Variants in CD226 observed in about 807,000 individuals in gnomAD.
CD226 encodes CD226 molecule.
A neutral mutation model predicts 34.9 loss-of-function variants in CD226; 24 were observed. The observed-to-expected ratio is 0.69, with a 90% CI of 0.50 to 0.97. The LOEUF (loss-of-function observed/expected upper bound fraction) is 0.97, where lower values mean the gene tolerates loss of function less well. Ranked by LOEUF, CD226 falls within the 50% of genes least tolerant of loss-of-function variation. The pLI, the probability that CD226 is intolerant of heterozygous loss-of-function variation, is 0.00. For missense variants in CD226, 397 were observed against 412.7 expected (o/e 0.96, Z 0.33); for synonymous variants, 148 against 147.4 (o/e 1.00, Z -0.03).
At chr18:69,943,015 C>A (rs920319745) in intron 2 of CD226, among the ~76,000 whole-genome samples, 2 of 152,202 alleles carry the variant, frequency 1.3e-5, no homozygotes, top group South Asian at 2.1e-4. Flanking sequence ...AGATCTCTGG[C>A]TCTTCAGAAA....
intron 5 of CD226, among the ~76,000 whole-genome samples, chr18:69,865,281 T>C (rs1983070603): frequency 6.6e-6 from 1 of 152,132 alleles, no homozygotes; most frequent in Non-Finnish European, 1.5e-5. Context: ...TGAGCCACCA[T>C]GACCAGCCAG....
chr18:69,881,694 T>C (rs970845992), intron 3 of CD226, among the ~76,000 whole-genome samples: 3 of 152,224 alleles, frequency 2.0e-5, no homozygotes, highest in Admixed American at 1.3e-4. Flanking sequence ...AGATGTCACA[T>C]TGAAGTAGTC....
intron 3 of CD226, among the ~76,000 whole-genome samples, chr18:69,881,658 A>G (rs960043753): frequency 9.9e-5 from 15 of 152,178 alleles, no homozygotes; most frequent in Non-Finnish European, 1.3e-4. Context: ...TTAATCAGAT[A>G]ACTTGTTTCT....
At chr18:69,870,563 C>T (rs1983460159) in intron 4 of CD226, among the ~76,000 whole-genome samples, 1 of 152,140 alleles carries the variant, frequency 6.6e-6, no homozygotes, top group South Asian at 2.1e-4. Flanking sequence ...GCGTGAGCCA[C>T]CATGCCTGGC....
At chr18:69,943,982 T>TC (rs1489063687) in intron 2 of CD226, among the ~76,000 whole-genome samples, 1 of 151,972 alleles carries the variant, frequency 6.6e-6, no homozygotes, top group African/African-American at 2.4e-5. Flanking sequence ...TCTTTTTTTT[T>TC]TTTTTTTTAC....
chr18:69,864,562 T>C, intron 5 of CD226, 123 bp from the exon 6 acceptor site: 1 of 894,518 alleles, frequency 1.1e-6, no homozygotes, highest in Non-Finnish European at 1.7e-6. Flanking sequence ...TTATAATTAA[T>C]TTGATAAAAC....
rs1982763222 is a variant in CD226, at chr18:69,860,595, C to T, written c.*3719G>A. The stretch of plus-strand genomic sequence containing the variant: ...TATTGAATCACTAGAAATAGAGAAG[C>T]TTTTAAAAAAATTAACTTGTTTTTA... On this transcript the variant is annotated 3_prime_UTR_variant, in exon 6 of 6. Coordinates refer to ENST00000582621, the MANE Select transcript of CD226 (RefSeq NM_001303618.2). The T allele has an allele frequency of 1.3e-5, 2 of 152,026 alleles. No homozygotes were observed. Among genetic ancestry groups the T allele is most frequent in the African/African-American group, 4.8e-5 (2 of 41,410 alleles). 9.4% of individuals were successfully genotyped at this position (152,026 alleles called of 1,614,324 possible). A position where few individuals can be genotyped will look rare whatever the true frequency, so the allele number is the denominator to read the frequency against.
intron 3 of CD226, among the ~76,000 whole-genome samples, chr18:69,891,180 AAATC>A (rs1157237509): frequency 2.6e-5 from 4 of 152,346 alleles, no homozygotes; most frequent in Non-Finnish European, 5.9e-5. Flanking sequence ...CAACATATGT[AAATC>A]AATCAATGTA....
chr18:69,898,817 A>G (rs1168752204), intron 2 of CD226, among the ~76,000 whole-genome samples: 5 of 152,138 alleles, frequency 3.3e-5, no homozygotes, highest in African/African-American at 1.2e-4. Flanking sequence ...GGCAGCTCAA[A>G]ATGACCTTGA....
chr18:69,871,045 T>G (rs188764458), intron 4 of CD226, among the ~76,000 whole-genome samples: 68 of 152,346 alleles, frequency 4.5e-4, no homozygotes, highest in African/African-American at 1.6e-3. Flanking sequence ...CCGTTCAATT[T>G]AGCTATTCAT....
At chr18:69,913,709 G>C (rs991953743) in intron 2 of CD226, among the ~76,000 whole-genome samples, 9 of 152,170 alleles carry the variant, frequency 5.9e-5, no homozygotes, top group Admixed American at 3.9e-4. Context: ...CTGCAGGATG[G>C]ACCTCACGAG....
chr18:69,909,560 T>C (rs1409885115), intron 2 of CD226, among the ~76,000 whole-genome samples: 2 of 152,014 alleles, frequency 1.3e-5, no homozygotes, highest in Non-Finnish European at 2.9e-5. Context: ...AAATGAAAAA[T>C]ATAACAATAT....
chr18:69,895,664 C>T (rs758398404), intron 3 of CD226, 37 bp downstream of exon 3: 2 of 1,530,318 alleles, frequency 1.3e-6, no homozygotes, highest in Non-Finnish European at 1.8e-6. Context: ...TGGCTTTTTC[C>T]ATGTTTGATA....
intron 2 of CD226, among the ~76,000 whole-genome samples, chr18:69,937,756 G>A (rs902146701): frequency 6.6e-6 from 1 of 152,058 alleles, no homozygotes; most frequent in Admixed American, 6.6e-5. Flanking sequence ...AAATTTAAAG[G>A]CTGAGATTAT....
chr18:69,944,900 C>T (rs770515124), intron 2 of CD226, among the ~76,000 whole-genome samples: 1 of 152,186 alleles, frequency 6.6e-6, no homozygotes, highest in African/African-American at 2.4e-5. Flanking sequence ...CAGCTATATA[C>T]ACAAAATTAG....
upstream of CD226, chr18:69,957,265 T>A (rs2055905836): frequency 6.6e-6 from 1 of 152,232 alleles, no homozygotes; most frequent in Non-Finnish European, 1.5e-5. Flanking sequence ...TCAAAGCACA[T>A]TAGATTCAGC....
chr18:69,941,267 C>T (rs2055720680), intron 2 of CD226, among the ~76,000 whole-genome samples: 1 of 152,248 alleles, frequency 6.6e-6, no homozygotes, highest in Admixed American at 6.5e-5. Flanking sequence ...CCCACTGGGG[C>T]ACTGTCTAGT....
chr18:69,898,558 T>C (rs182790252), intron 2 of CD226, among the ~76,000 whole-genome samples: 4 of 152,146 alleles, frequency 2.6e-5, no homozygotes, highest in African/African-American at 9.6e-5. Context: ...CAGCAGAGGC[T>C]CCATGTGAGG....
At chr18:69,957,646 T>C (rs938631240), upstream of CD226, among the ~76,000 whole-genome samples, 5 of 152,190 alleles carry the variant, frequency 3.3e-5, no homozygotes, top group African/African-American at 1.2e-4. Flanking sequence ...GGGGCTGCCC[T>C]ACCCTGCACA....
Sources: gnomAD v4.1 joint callset for allele counts (sites outside exome capture counted in the v4.1 genomes callset) on GRCh38, gnomAD v4.1.1 for gene constraint, MANE v1.5 for transcripts, NCBI Gene and HGNC (gene_info 2026-07-23, HGNC 2026-07-21) for gene names.